Variants in SAFB observed in about 807,000 individuals in gnomAD.
The protein encoded by SAFB is scaffold attachment factor B.
SAFB carries 15 observed loss-of-function variants against 101.6 expected under a neutral mutation model. That is an observed-to-expected ratio of 0.15 (90% CI 0.10 to 0.23). The LOEUF is 0.23. SAFB is among the 10% of genes least tolerant of loss of function. The probability of loss-of-function intolerance (pLI) is 1.00; values close to 1 mark genes in which losing one functional copy is unlikely to be tolerated. For synonymous variants in SAFB, 449 were observed against 407.5 expected (o/e 1.10, Z -1.23); for missense variants, 930 against 1,104.1 (o/e 0.84, Z 2.23).
chr19:5,654,496 T>C, intron 13 of SAFB, 40 bp downstream of exon 13: 1 of 1,195,486 alleles, frequency 8.4e-7, no homozygotes, highest in Non-Finnish European at 1.3e-6. Flanking sequence ...TTGCTCTTCT[T>C]TTCAGTTTGT....
At chr19:5,624,601 G>A (rs1195531671) in intron 1 of SAFB, among the ~76,000 whole-genome samples, 1 of 152,030 alleles carries the variant, frequency 6.6e-6, no homozygotes, top group East Asian at 1.9e-4. Context: ...CAGGCAGTGG[G>A]GCTGTTGACA....
intron 15 of SAFB, among the ~76,000 whole-genome samples, chr19:5,662,818 T>G (rs1189146323): frequency 1.3e-5 from 2 of 151,640 alleles, no homozygotes; most frequent in Admixed American, 6.6e-5. Context: ...TTTTTGTTTT[T>G]TTTAGTAGAG....
Position 5,641,902 on chromosome 19 carries a change from G to C in SAFB, c.502G>C (p.Glu168Gln), listed in dbSNP as rs770745797. Residue 168 changes from glutamate (E) to glutamine (Q), a missense_variant, in exon 4 of 21, where the codon GAG becomes CAG. Glu to Gln is a conservative substitution (Grantham distance 29). Coordinates refer to ENST00000588852, the MANE Select transcript of SAFB (RefSeq NM_001201338.2). ...ESLSDSRELV[E>Q]GEMKELPEQL... ...CCTGTCGGATAGTAGAGAGCTAGTC[G>C]AGGGGGAAATGAAAGAGCTTCCGGA... 1.2e-6 allele frequency: 2 copies of C among 1,614,168 alleles called. No individual in the cohort carries two copies. Among genetic ancestry groups the C allele is most frequent in the South Asian group, 2.2e-5 (2 of 91,068 alleles).
At position 5,641,987 on chromosome 19, in the gene SAFB, A is replaced by G. The variant is rs775049286; in HGVS notation, c.546+41A>G. The G allele has an allele frequency of 2.2e-5, 32 of 1,487,852 alleles. 1 individual carries two copies. The South Asian group carries it at 3.1e-4, about 14-fold the overall frequency. 92.2% of individuals were successfully genotyped at this position (1,487,852 alleles called of 1,614,324 possible). On this transcript the variant is annotated intron_variant, in intron 4 of 20. Transcript: ENST00000588852. ...TGTCTCTAGAATGTGCCCTGAATGT[A>G]TCAGTTCCACAATTAAAATAGGTGA...
At chr19:5,627,828 T>G (rs1171317265) in intron 2 of SAFB, among the ~76,000 whole-genome samples, 1 of 152,186 alleles carries the variant, frequency 6.6e-6, no homozygotes, top group Non-Finnish European at 1.5e-5. Context: ...TCCTTACCCC[T>G]TGGTTTAATA....
chr19:5,644,663 T>G (rs1365974340), intron 4 of SAFB, among the ~76,000 whole-genome samples: 1 of 152,222 alleles, frequency 6.6e-6, no homozygotes, highest in Non-Finnish European at 1.5e-5. Flanking sequence ...CGTCTCCCCC[T>G]AAGTATATCT....
intron 2 of SAFB, among the ~76,000 whole-genome samples, chr19:5,635,379 TCATCA>T (rs2053574794): frequency 6.6e-6 from 1 of 152,114 alleles, no homozygotes; most frequent in South Asian, 2.1e-4. Context: ...AGATTTCATC[TCATCA>T]CAAGCTTATT....
intron 2 of SAFB, among the ~76,000 whole-genome samples, chr19:5,629,101 T>G (rs985732018): frequency 2.0e-5 from 3 of 152,162 alleles, no homozygotes; most frequent in Non-Finnish European, 4.4e-5. Context: ...CCGGCAGGTT[T>G]TAAAATACGT....
chr19:5,642,375 G>A (rs374338832), intron 4 of SAFB, among the ~76,000 whole-genome samples: 1 of 152,090 alleles, frequency 6.6e-6, no homozygotes, highest in Non-Finnish European at 1.5e-5. Flanking sequence ...CAGCCCAGGA[G>A]TTCAAGGCTG....
In SAFB at chr19:5,623,127, C is replaced by A. The variant is rs143563020; in HGVS notation, c.-79C>A. 6.6e-4 allele frequency: 927 copies of A among 1,401,858 alleles called. 9 individuals carry two copies. In the African/African-American group the frequency reaches 0.012, roughly 18 times the overall value. 86.8% of individuals were successfully genotyped at this position (1,401,858 alleles called of 1,614,324 possible). A position where few individuals can be genotyped will look rare whatever the true frequency, so the allele number is the denominator to read the frequency against. On this transcript the variant is annotated 5_prime_UTR_variant, in exon 1 of 21. Coordinates refer to ENST00000588852, the MANE Select transcript of SAFB (RefSeq NM_001201338.2). ...GCGACTGGAGCGGTTCCCTCGCAGG[C>A]GGCGCCATTTTGTGCTAGGAGCCTG...
chr19:5,668,412 G>C lies in SAFB; in HGVS notation c.*121G>C. The C allele has an allele frequency of 1.8e-6, 2 of 1,117,688 alleles. No homozygotes were observed. The highest frequency in any genetic ancestry group is 2.4e-6 in the Non-Finnish European group (2 of 817,072). 69.2% of individuals were successfully genotyped at this position (1,117,688 alleles called of 1,614,324 possible). ...GCCATATTGTAGCTCAATACAATGT[G>C]AATTTGTTTTTCGTTTTGGGGTTTT... On this transcript the variant is annotated 3_prime_UTR_variant, in exon 21 of 21. Transcript: ENST00000588852.
intron 4 of SAFB, among the ~76,000 whole-genome samples, chr19:5,642,609 C>G (rs948083005): frequency 1.3e-5 from 2 of 148,180 alleles, no homozygotes; most frequent in Non-Finnish European, 3.0e-5. Flanking sequence ...GTAGTATTTC[C>G]TGAATACTAC....
chr19:5,630,416 T>C (rs149559096), intron 2 of SAFB, among the ~76,000 whole-genome samples: 1,677 of 152,360 alleles, frequency 0.011, 9 homozygotes, highest in Middle Eastern at 0.051. Context: ...TTTTGATCAC[T>C]AGGCTTCTAG....
intron 1 of SAFB, among the ~76,000 whole-genome samples, chr19:5,625,287 C>G (rs1443209873): frequency 6.6e-6 from 1 of 152,196 alleles, no homozygotes; most frequent in Non-Finnish European, 1.5e-5. Flanking sequence ...GGCATTGCTT[C>G]TCTTCTCCTG....
chr19:5,623,468 C>T (rs2053241163), intron 1 of SAFB, 74 bp downstream of exon 1: 1 of 1,337,006 alleles, frequency 7.5e-7, no homozygotes, highest in Non-Finnish European at 1.0e-6. Flanking sequence ...GCTCGCGGGC[C>T]CTGGCGTCCG....
intron 1 of SAFB, among the ~76,000 whole-genome samples, chr19:5,624,725 G>T (rs1333404757): frequency 6.0e-5 from 9 of 150,988 alleles, no homozygotes; most frequent in African/African-American, 2.2e-4. Context: ...GAAACCCTGG[G>T]CTCAAGGGTG....
intron 2 of SAFB, among the ~76,000 whole-genome samples, chr19:5,627,605 C>T (rs144387891): frequency 6.6e-6 from 1 of 152,280 alleles, no homozygotes; most frequent in East Asian, 1.9e-4. Context: ...ATGACTCTCA[C>T]CATCTTACCG....
intron 14 of SAFB, among the ~76,000 whole-genome samples, chr19:5,660,309 G>A (rs2054165904): frequency 8.6e-6 from 1 of 116,212 alleles, no homozygotes; most frequent in Non-Finnish European, 1.8e-5. Context: ...GCACTGAGGT[G>A]CTTTTTTTTT....
intron 5 of SAFB, among the ~76,000 whole-genome samples, chr19:5,646,428 C>T (rs991491828): frequency 2.0e-5 from 3 of 152,144 alleles, no homozygotes; most frequent in Admixed American, 6.6e-5. Flanking sequence ...GAGGAGGAGC[C>T]GGATCTTGTC....
Sources: allele counts gnomAD v4.1 joint callset (sites outside exome capture counted in the v4.1 genomes callset), GRCh38; gene constraint gnomAD v4.1.1; transcripts MANE v1.5; gene names NCBI Gene and HGNC (gene_info 2026-07-23, HGNC 2026-07-21).